The following RAVER2 variants were observed in gnomAD, a reference collection of about 807,000 sequenced individuals.
RAVER2 encodes ribonucleoprotein, PTB binding 2, also known as ribonucleoprotein PTB-binding 2.
A neutral mutation model predicts 78.1 loss-of-function variants in RAVER2; 46 were observed. The ratio of observed to expected loss-of-function variants is 0.59; its 90% confidence interval spans 0.46 to 0.75. The LOEUF (loss-of-function observed/expected upper bound fraction) is 0.75, where lower values mean the gene tolerates loss of function less well. RAVER2 is among the 30% of genes least tolerant of loss of function. The pLI, the probability that RAVER2 is intolerant of heterozygous loss-of-function variation, is 0.00. For synonymous variants in RAVER2, 311 were observed against 313.3 expected (o/e 0.99, Z 0.08); for missense variants, 793 against 837.5 (o/e 0.95, Z 0.66).
chr1:64,809,677 T>C (rs915597530), intron 9 of RAVER2, among the ~76,000 whole-genome samples: 2 of 152,014 alleles, frequency 1.3e-5, no homozygotes, highest in Admixed American at 1.3e-4. Context: ...ATTCACATTG[T>C]TGTGCAGCAT....
chr1:64,802,695 G>A, intron 5 of RAVER2, among the ~76,000 whole-genome samples: 1 of 152,126 alleles, frequency 6.6e-6, no homozygotes, highest in East Asian at 1.9e-4. Flanking sequence ...TATTAAAGGT[G>A]GATGTGTTTT....
intron 2 of RAVER2, among the ~76,000 whole-genome samples, chr1:64,770,983 A>G (rs914649513): frequency 1.3e-5 from 2 of 151,104 alleles, no homozygotes; most frequent in Non-Finnish European, 2.9e-5. Flanking sequence ...GGGTAGGAAT[A>G]GTTAAAAAAA....
At chr1:64,798,379 A>T (rs949993363) in intron 5 of RAVER2, among the ~76,000 whole-genome samples, 2 of 142,994 alleles carry the variant, frequency 1.4e-5, no homozygotes, top group Non-Finnish European at 3.0e-5. Context: ...TGCCGCAATA[A>T]ACATACGTGT....
intron 11 of RAVER2, among the ~76,000 whole-genome samples, chr1:64,818,730 C>T (rs1264006696): frequency 6.6e-6 from 1 of 152,122 alleles, no homozygotes; most frequent in Non-Finnish European, 1.5e-5. Context: ...GCTGCAGTCT[C>T]ACTAGCTTGA....
At chr1:64,813,828 G>GACACACAC (rs10566575) in intron 10 of RAVER2, among the ~76,000 whole-genome samples, 5 of 145,898 alleles carry the variant, frequency 3.4e-5, no homozygotes, top group African/African-American at 7.6e-5. Flanking sequence ...TTAGAGACTA[G>GACACACAC]ACACACACAC....
At chr1:64,772,046 A>G (rs1348882623) in intron 2 of RAVER2, among the ~76,000 whole-genome samples, 1 of 152,160 alleles carries the variant, frequency 6.6e-6, no homozygotes, top group Admixed American at 6.5e-5. Flanking sequence ...ATGACTTTTA[A>G]AAGAATTGGG....
At chr1:64,792,508 G>A (rs1419519460) in intron 5 of RAVER2, among the ~76,000 whole-genome samples, 1 of 152,062 alleles carries the variant, frequency 6.6e-6, no homozygotes, top group Non-Finnish European at 1.5e-5. Context: ...TATTATTTTT[G>A]TCTCTTCTTT....
chr1:64,777,483 A>G (rs1007623169), intron 2 of RAVER2, 140 bp from the exon 3 acceptor site: 5 of 655,666 alleles, frequency 7.6e-6, no homozygotes, highest in African/African-American at 7.3e-5. Context: ...TGCATTGCAT[A>G]TAGTAGGGGT....
chr1:64,783,680 A>G (rs1393849933), intron 4 of RAVER2, among the ~76,000 whole-genome samples: 1 of 152,086 alleles, frequency 6.6e-6, no homozygotes, highest in Admixed American at 6.6e-5. Context: ...ATTTTCTCCC[A>G]TTCTGTAGGT....
intron 8 of RAVER2, 50 bp downstream of exon 8, chr1:64,805,155 T>C: frequency 6.7e-7 from 1 of 1,500,394 alleles, no homozygotes; most frequent in Non-Finnish European, 9.2e-7. Flanking sequence ...AGGTTTGAGA[T>C]TTAAAGATAG....
chr1:64,759,249 T>A (rs926889524), intron 1 of RAVER2, among the ~76,000 whole-genome samples: 2 of 152,040 alleles, frequency 1.3e-5, no homozygotes, highest in African/African-American at 2.4e-5. Context: ...AGACGGAGTC[T>A]TGCTGTTTTG....
intron 5 of RAVER2, among the ~76,000 whole-genome samples, chr1:64,793,052 C>T (rs962258311): frequency 1.3e-5 from 2 of 151,986 alleles, no homozygotes; most frequent in African/African-American, 4.8e-5. Flanking sequence ...AAAGTACAAA[C>T]ATTAGCTGGG....
At chr1:64,755,284 A>G (rs1651820416) in intron 1 of RAVER2, among the ~76,000 whole-genome samples, 1 of 152,194 alleles carries the variant, frequency 6.6e-6, no homozygotes, top group East Asian at 1.9e-4. Flanking sequence ...GTGAGCCCCT[A>G]AACTTGTCTT....
intron 11 of RAVER2, among the ~76,000 whole-genome samples, chr1:64,825,907 A>C (rs1169338211): frequency 6.6e-6 from 1 of 152,234 alleles, no homozygotes; most frequent in Non-Finnish European, 1.5e-5. Flanking sequence ...GATGTGTGCA[A>C]AAGATTGGAT....
At chr1:64,819,177 C>G (rs545982862) in intron 11 of RAVER2, among the ~76,000 whole-genome samples, 165 of 151,846 alleles carry the variant, frequency 1.1e-3, no homozygotes, top group Non-Finnish European at 1.7e-3. Flanking sequence ...GGAAACGACC[C>G]CAAGGTGACC....
intron 4 of RAVER2, among the ~76,000 whole-genome samples, chr1:64,784,351 T>G (rs1054202662): frequency 2.2e-4 from 33 of 152,322 alleles, no homozygotes; most frequent in African/African-American, 7.2e-4. Flanking sequence ...CACTCCAGCC[T>G]GGGTGACAAA....
At chr1:64,800,155 G>T (rs1247861138) in intron 5 of RAVER2, among the ~76,000 whole-genome samples, 3 of 146,154 alleles carry the variant, frequency 2.1e-5, no homozygotes, top group African/African-American at 7.6e-5. Context: ...CTGTTGAATT[G>T]CTAGAGTTCT....
At chr1:64,801,238 A>G (rs574027766) in intron 5 of RAVER2, among the ~76,000 whole-genome samples, 98 of 151,724 alleles carry the variant, frequency 6.5e-4, no homozygotes, top group Admixed American at 9.2e-4. Context: ...AGCTGGGATT[A>G]CAGGCATGTG....
At chr1:64,817,218 C>G (rs1653776548) in intron 11 of RAVER2, among the ~76,000 whole-genome samples, 1 of 152,146 alleles carries the variant, frequency 6.6e-6, no homozygotes, top group African/African-American at 2.4e-5. Context: ...CATCTCACAC[C>G]AGTTAGAATG....
Sources: gnomAD v4.1 joint callset for allele counts (sites outside exome capture counted in the v4.1 genomes callset) on GRCh38, gnomAD v4.1.1 for gene constraint, MANE v1.5 for transcripts, NCBI Gene and HGNC (gene_info 2026-07-23, HGNC 2026-07-21) for gene names.